Variants in SLC5A6 observed in about 807,000 individuals in gnomAD.
SLC5A6 encodes the protein solute carrier family 5 member 6.
In SLC5A6, 31 loss-of-function variants were observed where a neutral mutation model predicts 67.9. The observed-to-expected ratio is 0.46, with a 90% confidence interval of 0.34 to 0.62. SLC5A6 has a LOEUF of 0.62. Among genes scored for constraint, SLC5A6 ranks in the 20% least tolerant of loss-of-function variants. SLC5A6 has a pLI of 0.01. For missense variants in SLC5A6, 673 were observed against 812.8 expected, an observed-to-expected ratio of 0.83 and a Z score of 2.09; for synonymous variants, 343 against 331.0, an observed-to-expected ratio of 1.04 and a Z score of -0.39.
Position 27,203,827 on chromosome 2 carries a change from G to T in SLC5A6, c.1046C>A (p.Pro349Gln), listed in dbSNP as rs773990946. Residue 349 changes from proline (P) to glutamine (Q), a missense_variant, in exon 10 of 17, where the codon CCA becomes CAA. Physicochemically the swap from Pro to Gln is moderately conservative, Grantham distance 76 (BLOSUM62 -1). Coordinates refer to ENST00000310574, the MANE Select transcript of SLC5A6 (RefSeq NM_021095.4). ...GGCAATGAAGAGCCCTGGCAGGCCT[G>T]GCAGGCCCTTCAGGAGATCCATCAC... ...YFVMDLLKGL[P>Q]GLPGLFIACL... The T allele has an allele frequency of 6.2e-7, 1 of 1,614,138 alleles. No homozygotes were observed. The highest frequency in any genetic ancestry group is 8.5e-7 in the Non-Finnish European group (1 of 1,179,988).
At chr2:27,206,803 C>A in intron 4 of SLC5A6, 74 bp downstream of exon 4, 1 of 1,189,004 alleles carries the variant, frequency 8.4e-7, no homozygotes, top group Non-Finnish European at 1.3e-6. Context: ...GGGGAGACTC[C>A]AATTCCCTCA....
Position 27,207,670 on chromosome 2 carries a change from T to A in SLC5A6, c.-20A>T, listed in dbSNP as rs2148016423. The A allele has an allele frequency of 6.3e-7, 1 of 1,594,490 alleles. No individual in the cohort carries two copies. Among genetic ancestry groups the A allele is most frequent in the Non-Finnish European group, 8.6e-7 (1 of 1,166,996 alleles). ...ACTCATATCCTCACTGTGTCTGTGA[T>A]CTGCAGCCAGTTGCTGCTCCAGGGC... On this transcript the variant is annotated 5_prime_UTR_variant, in exon 3 of 17. Coordinates refer to ENST00000310574, the MANE Select transcript of SLC5A6 (RefSeq NM_021095.4). The surrounding 1 kb of genome is among the most constrained non-coding windows in gnomAD (Gnocchi z 5.5).
At chr2:27,212,696 T>C, upstream of SLC5A6, 2 of 1,316,148 alleles carry the variant, frequency 1.5e-6, no homozygotes, top group Non-Finnish European at 2.0e-6. Context: ...ATTTCGCCCC[T>C]TAATTTTAGA....
chr2:27,205,553 C>G, intron 6 of SLC5A6, 49 bp from the exon 7 acceptor site: 1 of 1,594,894 alleles, frequency 6.3e-7, no homozygotes, highest in Non-Finnish European at 8.6e-7. Context: ...CTAAACCCAG[C>G]TTGTCCAACC....
chr2:27,201,144 G>C, intron 15 of SLC5A6, 31 bp from the exon 16 acceptor site: 3 of 1,545,764 alleles, frequency 1.9e-6, no homozygotes, highest in Non-Finnish European at 2.7e-6. Flanking sequence ...GAGTCTCTGG[G>C]TGGAACCATC....
chr2:27,201,495 A>G (rs1276365306), intron 14 of SLC5A6, 42 bp from the exon 15 acceptor site: 1 of 1,454,208 alleles, frequency 6.9e-7, no homozygotes, highest in Non-Finnish European at 9.7e-7. Flanking sequence ...ATTCGTTGGC[A>G]GGGCATTCCT....
At chr2:27,211,025 A>C (rs1674453528) in intron 2 of SLC5A6, among the ~76,000 whole-genome samples, 2 of 152,018 alleles carry the variant, frequency 1.3e-5, no homozygotes, top group African/African-American at 4.8e-5. Context: ...CTCCGTCTCA[A>C]AATAAAAATA....
chr2:27,206,295 T>C (rs1351510269), intron 5 of SLC5A6, 188 bp downstream of exon 5: 4 of 692,320 alleles, frequency 5.8e-6, no homozygotes, highest in Non-Finnish European at 1.0e-5. Flanking sequence ...CATGGTAACA[T>C]GTTACTAGCT....
rs1673823727 is a variant in SLC5A6 at position 27,203,702 on chromosome 2, A to ACC, written c.1094+75_1094+76dup. On this transcript the variant is annotated intron_variant, in intron 10 of 16. Coordinates refer to ENST00000310574, the MANE Select transcript of SLC5A6 (RefSeq NM_021095.4). Reference sequence around the variant, plus strand: ...TTAGAGGGATTCCCCACCCACTATCACCCCGCTCCACCCATCACCTTGTAC... The same window carrying ACC: ...TTAGAGGGATTCCCCACCCACTATCACCCCCCGCTCCACCCATCACCTTGTAC... The ACC allele has an allele frequency of 3.7e-6, 4 of 1,080,606 alleles. No homozygotes were observed. The South Asian group carries it at 5.0e-5, about 14-fold the overall frequency. 66.9% of individuals were successfully genotyped at this position (1,080,606 alleles called of 1,614,324 possible).
chr2:27,200,536 C>A lies in SLC5A6; in HGVS notation c.1808G>T (p.Gly603Val). ...TGLFPEKPRN[G>V]VLGDSRDKEA... The stretch of plus-strand genomic sequence containing the variant: ...CTTGTCTCTGCTGTCCCCCAGCACA[C>A]CATTCCTCGGCTTCTCAGGAAACAG... Residue 603 changes from glycine to valine, a missense_variant, in exon 17 of 17, where the codon GGT (glycine) becomes GTT (valine). Transcript: ENST00000310574. 1.2e-6 allele frequency: 2 copies of A among 1,614,080 alleles called. No individual in the cohort carries two copies. The highest frequency in any genetic ancestry group is 2.2e-5 in the South Asian group (2 of 91,078).
chr2:27,201,507 G>T, intron 14 of SLC5A6, 54 bp from the exon 15 acceptor site: 1 of 1,400,490 alleles, frequency 7.1e-7, no homozygotes, highest in South Asian at 1.2e-5. Context: ...GGCATTCCTT[G>T]GGCACCAATC....
chr2:27,208,819 A>C (rs1674266328), intron 2 of SLC5A6: 2 of 152,634 alleles, frequency 1.3e-5, no homozygotes, highest in South Asian at 4.1e-4. Flanking sequence ...ACTCAGCCCT[A>C]GAGGCTCCAG....
Position 27,200,570 on chromosome 2 carries a change from C to A in SLC5A6, c.1774G>T (p.Asp592Tyr). 1 of 1,611,844 alleles carries A rather than the reference C, an allele frequency of 6.2e-7. No homozygotes were observed. Among genetic ancestry groups the A allele is most frequent in the Non-Finnish European group, 8.5e-7 (1 of 1,178,864 alleles). ...GGCTTCTCAGGAAACAGGCCAGTGTCGAGGTGGTCCTGCAAACACAGAGCC... is the reference window on the plus strand; with the variant it reads ...GGCTTCTCAGGAAACAGGCCAGTGTAGAGGTGGTCCTGCAAACACAGAGCC... ...HCRSYGQDHL[D>Y]TGLFPEKPRN... The change falls in exon 17 of 17, where the codon GAC (aspartate) becomes TAC (tyrosine). Residue 592 changes from aspartate (D) to tyrosine (Y), a missense_variant. Asp to Tyr is a radical substitution (Grantham distance 160). Coordinates refer to ENST00000310574, the MANE Select transcript of SLC5A6 (RefSeq NM_021095.4).
intron 1 of SLC5A6, 44 bp downstream of exon 1, chr2:27,211,976 T>C (rs1459737971): frequency 7.2e-6 from 3 of 415,024 alleles, no homozygotes; most frequent in East Asian, 5.6e-5. Flanking sequence ...CCCCGCCCCC[T>C]GCCCGCCCCC....
In SLC5A6 at chr2:27,201,859, C is replaced by A. The variant is rs1673665909; in HGVS notation, c.1363-12G>T. 6.2e-7 allele frequency: 1 copy of A among 1,611,904 alleles called. No homozygotes were observed. The highest frequency in any genetic ancestry group is 1.7e-5 in the Admixed American group (1 of 59,962). On this transcript the variant is annotated splice_polypyrimidine_tract_variant and intron_variant, in intron 13 of 16. Coordinates refer to ENST00000310574, the MANE Select transcript of SLC5A6 (RefSeq NM_021095.4). Reference sequence around the variant, plus strand: ...CCCACAACAGCACCCTGCCGAGACACAGTGCAGGCCTGTCACAAGGCCAGT... The same window carrying A: ...CCCACAACAGCACCCTGCCGAGACAAAGTGCAGGCCTGTCACAAGGCCAGT...
rs1293642918 is a variant in SLC5A6 at position 27,199,908 on chromosome 2, AG to A, written c.*527del. The A allele has an allele frequency of 3.9e-5, 6 of 153,258 alleles. No individual in the cohort carries two copies. The highest frequency in any genetic ancestry group is 8.8e-5 in the Non-Finnish European group (6 of 68,394). The allele number at this position is 153,258 out of a possible 1,614,324, so 9.5% of individuals were successfully genotyped here. ...ACCAAAACCTCCCTCTTCAGAATGG[AG>A]GTAGACAGATAAAAATGAGAGGGGC... On this transcript the variant is annotated 3_prime_UTR_variant, in exon 17 of 17. Transcript: ENST00000310574.
intron 14 of SLC5A6, 55 bp from the exon 15 acceptor site, chr2:27,201,508 G>C: frequency 7.2e-7 from 1 of 1,397,732 alleles, no homozygotes; most frequent in South Asian, 1.2e-5. Context: ...GCATTCCTTG[G>C]GCACCAATCT....
At chr2:27,210,831 G>A (rs933153706) in intron 2 of SLC5A6, among the ~76,000 whole-genome samples, 1 of 151,984 alleles carries the variant, frequency 6.6e-6, no homozygotes, top group African/African-American at 2.4e-5. Flanking sequence ...AGACCATCCT[G>A]GCTAACACGG....
intron 14 of SLC5A6, 36 bp from the exon 15 acceptor site, chr2:27,201,489 G>A (rs368529182): frequency 1.9e-4 from 273 of 1,474,242 alleles, no homozygotes; most frequent in Non-Finnish European, 2.4e-4. Flanking sequence ...TTAGCAATTC[G>A]TTGGCAGGGC....
Sources: gnomAD v4.1 joint callset for allele counts (sites outside exome capture counted in the v4.1 genomes callset) on GRCh38, gnomAD v4.1.1 for gene constraint, Gnocchi (gnomAD v3.1) non-coding constraint, MANE v1.5 for transcripts, NCBI Gene and HGNC (gene_info 2026-07-23, HGNC 2026-07-21) for gene names.